GRB14: variants seen among roughly 807,000 people sequenced by gnomAD.
GRB14 encodes growth factor receptor bound protein 14.
Under a neutral mutation model 69.1 loss-of-function variants are expected in GRB14, and 38 were observed. The ratio of observed to expected loss-of-function variants is 0.55; its 90% CI spans 0.42 to 0.72. The LOEUF (loss-of-function observed/expected upper bound fraction) is 0.72. GRB14 is among the 30% of genes least tolerant of loss of function. The probability of loss-of-function intolerance (pLI) is 0.00; values close to 1 mark genes in which losing one functional copy is unlikely to be tolerated. For missense variants in GRB14, 666 were observed against 666.1 expected, an observed-to-expected ratio of 1.00 and a Z score of 0.00; for synonymous variants, 247 against 241.3, an observed-to-expected ratio of 1.02 and a Z score of -0.22.
intron 2 of GRB14, among the ~76,000 whole-genome samples, chr2:164,601,052 A>C (rs1689902804): frequency 6.6e-6 from 1 of 152,164 alleles, no homozygotes. Context: ...TCTAGGCCAC[A>C]GGGCAGAATT....
At chr2:164,503,189 A>G (rs1335103421) in intron 8 of GRB14, among the ~76,000 whole-genome samples, 1 of 149,154 alleles carries the variant, frequency 6.7e-6, no homozygotes, top group Non-Finnish European at 1.5e-5. Context: ...AAAAAAAAAG[A>G]AAAGAAAAAT....
intron 9 of GRB14, among the ~76,000 whole-genome samples, chr2:164,500,626 A>G (rs1451900): frequency 0.11 from 17,106 of 152,024 alleles, 1,071 homozygotes; most frequent in Middle Eastern, 0.16. Context: ...CTTCATGTAA[A>G]TTAATAATAT....
intron 6 of GRB14, among the ~76,000 whole-genome samples, chr2:164,515,506 G>C (rs995222182): frequency 6.6e-6 from 1 of 152,174 alleles, no homozygotes; most frequent in Non-Finnish European, 1.5e-5. Context: ...ATCCCTAGGG[G>C]AAGAGGGAGA....
chr2:164,563,620 G>T (rs528729231), intron 2 of GRB14, among the ~76,000 whole-genome samples: 1 of 152,328 alleles, frequency 6.6e-6, no homozygotes, highest in Non-Finnish European at 1.5e-5. Flanking sequence ...CACTAGAGAA[G>T]AAATAATAGA....
chr2:164,532,354 G>A (rs1344998951), intron 3 of GRB14, among the ~76,000 whole-genome samples: 1 of 152,174 alleles, frequency 6.6e-6, no homozygotes, highest in Non-Finnish European at 1.5e-5. Context: ...GAGTCTGACA[G>A]CTGTTTCATT....
chr2:164,565,666 C>T (rs1482441913), intron 2 of GRB14, among the ~76,000 whole-genome samples: 1 of 152,182 alleles, frequency 6.6e-6, no homozygotes, highest in African/African-American at 2.4e-5. Context: ...GATTCATTCA[C>T]AATGTTTGCT....
rs146962375 is a variant in GRB14 at position 164,585,085 on chromosome 2, CTTTTTTTTTTTTTTTTTTTTTT to C, written c.324+34580_324+34601del. Among the ~76,000 whole-genome samples, 70 of 54,386 alleles carry C rather than the reference CTTTTTTTTTTTTTTTTTTTTTT, an allele frequency of 1.3e-3. No homozygotes were observed. In the East Asian group the frequency reaches 0.029, roughly 22 times the overall value. 35.7% of individuals were successfully genotyped at this position (54,386 alleles called of 152,430 possible). On this transcript the variant is annotated intron_variant, in intron 2 of 13. Transcript: ENST00000263915. ...AGCCCCTTCATACCACCATGCCTGG[CTTTTTTTTTTTTTTTTTTTTTT>C]TTTTTTTTTTTTTTTTTTTTAGTAG...
At chr2:164,512,544 C>T (rs150129242) in intron 6 of GRB14, among the ~76,000 whole-genome samples, 5 of 152,312 alleles carry the variant, frequency 3.3e-5, no homozygotes, top group African/African-American at 9.6e-5. Flanking sequence ...GGGGAACTTG[C>T]TGCCCTGAGG....
chr2:164,556,639 C>T (rs1357911695), intron 2 of GRB14, among the ~76,000 whole-genome samples: 1 of 152,144 alleles, frequency 6.6e-6, no homozygotes, highest in Non-Finnish European at 1.5e-5. Flanking sequence ...GGTTTCCCTA[C>T]CCTCTACTTT....
intron 2 of GRB14, among the ~76,000 whole-genome samples, chr2:164,610,327 C>T (rs4667761): frequency 0.76 from 115,393 of 152,026 alleles, 44,436 homozygotes; most frequent in Admixed American, 0.82. Context: ...TATGAACACA[C>T]AGTAAACTTA....
At chr2:164,573,596 T>C in intron 2 of GRB14, 1 of 1,188,308 alleles carries the variant, frequency 8.4e-7, no homozygotes, top group East Asian at 2.6e-5. Context: ...AGTCACCCTT[T>C]ATATAATAGT....
intron 3 of GRB14, among the ~76,000 whole-genome samples, chr2:164,535,855 G>A (rs1043432157): frequency 3.9e-5 from 6 of 152,266 alleles, no homozygotes; most frequent in Admixed American, 1.3e-4. Context: ...TGGCTATAAA[G>A]CCCTGCAGTT....
At position 164,504,326 on chromosome 2, in the gene GRB14, G is replaced by A. The variant is rs144926951; in HGVS notation, c.1024-1991C>T. On this transcript the variant is annotated intron_variant, in intron 8 of 13. Transcript: ENST00000263915. ...CTTGTTCATTCCCGCTAAGTACAAT[G>A]GTAAACGCTGGAAATAACACAGTAG... Among the ~76,000 whole-genome samples the A allele has an allele frequency of 5.2e-3, 789 of 151,860 alleles. 9 individuals are homozygous for A. Among genetic ancestry groups the A allele is most frequent in the Middle Eastern group, 0.031 (9 of 294 alleles).
At chr2:164,555,901 T>C (rs1559049117) in intron 2 of GRB14, among the ~76,000 whole-genome samples, 2 of 151,864 alleles carry the variant, frequency 1.3e-5, no homozygotes, top group African/African-American at 2.4e-5. Flanking sequence ...AAAGAGCTTA[T>C]AATGTTTCAA....
intron 6 of GRB14, among the ~76,000 whole-genome samples, chr2:164,521,251 G>A (rs1050396105): frequency 5.3e-5 from 8 of 152,020 alleles, no homozygotes; most frequent in South Asian, 2.1e-4. Context: ...TATCCTACGC[G>A]AAGTAACTCA....
chr2:164,543,749 C>A (rs1464846181), intron 3 of GRB14, among the ~76,000 whole-genome samples: 1 of 152,088 alleles, frequency 6.6e-6, no homozygotes, highest in Non-Finnish European at 1.5e-5. Flanking sequence ...TTTAAATATG[C>A]AAATTAAATT....
intron 2 of GRB14, among the ~76,000 whole-genome samples, chr2:164,551,274 T>C (rs1688530809): frequency 1.3e-5 from 2 of 152,142 alleles, no homozygotes; most frequent in African/African-American, 2.4e-5. Flanking sequence ...AATTTAGATA[T>C]ATGTTCACAT....
intron 3 of GRB14, among the ~76,000 whole-genome samples, chr2:164,540,387 G>T (rs1240230346): frequency 6.6e-6 from 1 of 152,136 alleles, no homozygotes; most frequent in Admixed American, 6.5e-5. Flanking sequence ...GAGGCGGGTG[G>T]ATCATGAGGT....
chr2:164,560,690 A>T (rs1406989230), intron 2 of GRB14, among the ~76,000 whole-genome samples: 1 of 152,018 alleles, frequency 6.6e-6, no homozygotes, highest in Non-Finnish European at 1.5e-5. Context: ...GTTATATCAA[A>T]TTTTTTCTTC....
Sources: allele counts gnomAD v4.1 joint callset (sites outside exome capture counted in the v4.1 genomes callset), GRCh38; gene constraint gnomAD v4.1.1; transcripts MANE v1.5; gene names NCBI Gene and HGNC (gene_info 2026-07-23, HGNC 2026-07-21).